Variants in SDK1 observed in about 807,000 individuals in gnomAD.
The protein encoded by SDK1 is sidekick cell adhesion molecule 1, also known as protein sidekick-1.
Under a neutral mutation model 245.5 loss-of-function variants are expected in SDK1, and 157 were observed. That is an observed-to-expected ratio of 0.64 (90% CI 0.56 to 0.73). The LOEUF is 0.73. SDK1 is among the 30% of genes least tolerant of loss of function. The pLI, the probability that SDK1 is intolerant of heterozygous loss-of-function variation, is 0.00. For synonymous variants in SDK1, 1,647 were observed against 1,278.5 expected (o/e 1.29, Z -6.15); for missense variants, 3,583 against 3,002.3 (o/e 1.19, Z -4.52).
At chr7:4,138,210 C>T (rs1048980856) in intron 28 of SDK1, among the ~76,000 whole-genome samples, 6 of 152,172 alleles carry the variant, frequency 3.9e-5, no homozygotes, top group African/African-American at 1.4e-4. Context: ...CATTGTCTCA[C>T]TGGGGCTTTG....
At chr7:3,554,685 C>T (rs1396944949) in intron 1 of SDK1, among the ~76,000 whole-genome samples, 2 of 152,182 alleles carry the variant, frequency 1.3e-5, no homozygotes, top group African/African-American at 4.8e-5. Context: ...CTTCAATCAC[C>T]TAGGCCACCT....
intron 4 of SDK1, among the ~76,000 whole-genome samples, chr7:3,747,521 G>A (rs1398777780): frequency 2.0e-5 from 3 of 152,118 alleles, no homozygotes; most frequent in African/African-American, 2.4e-5. Context: ...AAATGCTGTC[G>A]TGGGCCTTGT....
At position 4,220,212 on chromosome 7, in the gene SDK1, G is replaced by A. The variant is rs199608570; in HGVS notation, c.5643G>A (p.Ala1881=). 63 of 1,614,036 alleles carry A rather than the reference G, an allele frequency of 3.9e-5. No individual in the cohort carries two copies. Among genetic ancestry groups the A allele is most frequent in the Middle Eastern group, 1.7e-4 (1 of 6,060 alleles). ...KGVTYFFRVQ[A]RTITYGPELQ... ...TGACCTATTTCTTCCGTGTCCAAGC[G>A]CGGACCATCACCTACGGGCCCGAGC... The change falls in exon 39 of 45, where the codon GCG becomes GCA. Residue 1881 remains alanine, a synonymous_variant. Transcript: ENST00000404826.
Position 4,105,274 on chromosome 7 carries a change from C to T in SDK1, c.3325-5389C>T, listed in dbSNP as rs190493091. Among the ~76,000 whole-genome samples, 259 of 152,088 alleles carry T rather than the reference C, an allele frequency of 1.7e-3. 2 individuals carry two copies. The highest frequency in any genetic ancestry group is 5.6e-3 in the South Asian group (27 of 4,826). ...CTGGGATTACAGGTGTGAGCCACCGCGCCTGGCCAGGAGTTATATTTTTTG... is the reference window on the plus strand; with the variant it reads ...CTGGGATTACAGGTGTGAGCCACCGTGCCTGGCCAGGAGTTATATTTTTTG... On this transcript the variant is annotated intron_variant, in intron 22 of 44. Transcript: ENST00000404826.
intron 40 of SDK1, 195 bp from the exon 41 acceptor site, chr7:4,233,060 C>G (rs995984425): frequency 1.8e-6 from 1 of 561,120 alleles, no homozygotes. Flanking sequence ...ACAATCATCA[C>G]ACCATTCATC....
At position 3,854,954 on chromosome 7, in the gene SDK1, G is replaced by C. The variant is rs919155458; in HGVS notation, c.847+33371G>C. Among the ~76,000 whole-genome samples the C allele has an allele frequency of 5.3e-5, 8 of 152,176 alleles. No homozygotes were observed. In the South Asian group the frequency reaches 1.0e-3, roughly 20 times the overall value. ...CAGGGTGGACCCAGGTGCACATGCA[G>C]GGTGGCTCAGTGAACTCTAACTGCT... On this transcript the variant is annotated intron_variant, in intron 5 of 44. Coordinates refer to ENST00000404826, the MANE Select transcript of SDK1 (RefSeq NM_152744.4).
chr7:3,871,662 G>T (rs1301484698), intron 5 of SDK1, among the ~76,000 whole-genome samples: 2 of 152,200 alleles, frequency 1.3e-5, no homozygotes, highest in African/African-American at 4.8e-5. Flanking sequence ...GCAGAAGCAA[G>T]TAGCGGGGAG....
intron 6 of SDK1, 64 bp downstream of exon 6, chr7:3,951,098 TAGA>T: frequency 8.3e-7 from 1 of 1,209,532 alleles, no homozygotes. Flanking sequence ...GAGCCGACGA[TAGA>T]AGGATACACT....
At chr7:4,144,989 T>A (rs1779861372) in intron 28 of SDK1, among the ~76,000 whole-genome samples, 2 of 152,176 alleles carry the variant, frequency 1.3e-5, no homozygotes, top group Non-Finnish European at 2.9e-5. Flanking sequence ...TTCCTCCAGA[T>A]GCCAGCGGGG....
chr7:3,445,305 G>T (rs1156670525), intron 1 of SDK1, among the ~76,000 whole-genome samples: 2 of 152,024 alleles, frequency 1.3e-5, no homozygotes, highest in African/African-American at 2.4e-5. Flanking sequence ...AGACAAAAAT[G>T]GGCTCAATAA....
intron 7 of SDK1, among the ~76,000 whole-genome samples, chr7:3,953,052 G>A (rs916551391): frequency 1.3e-5 from 2 of 151,738 alleles, no homozygotes; most frequent in Middle Eastern, 3.4e-3. Context: ...GGAGAATCTC[G>A]ACTTCCTCTC....
intron 1 of SDK1, among the ~76,000 whole-genome samples, chr7:3,425,572 GA>G (rs2128582261): frequency 6.6e-6 from 1 of 152,262 alleles, no homozygotes; most frequent in African/African-American, 2.4e-5. Flanking sequence ...AGTCAGAATG[GA>G]AAACAAATTT....
intron 14 of SDK1, among the ~76,000 whole-genome samples, chr7:3,999,430 C>T (rs1784913857): frequency 6.6e-6 from 1 of 152,182 alleles, no homozygotes; most frequent in Non-Finnish European, 1.5e-5. Flanking sequence ...TGATCGCTTG[C>T]CAGGAAAGTG....
chr7:4,206,016 G>A, intron 36 of SDK1, 22 bp downstream of exon 36: 1 of 1,468,434 alleles, frequency 6.8e-7, no homozygotes, highest in Non-Finnish European at 9.2e-7. Context: ...CCGTGCGGTT[G>A]CCTCCCCTGG....
chr7:4,139,587 G>GTT (rs1779380665), intron 28 of SDK1, among the ~76,000 whole-genome samples: 1 of 80,976 alleles, frequency 1.2e-5, no homozygotes, highest in Non-Finnish European at 2.8e-5. Context: ...GTGTGTATGT[G>GTT]TGTGTATATG....
At chr7:3,881,980 A>C (rs930097694) in intron 5 of SDK1, among the ~76,000 whole-genome samples, 1 of 152,124 alleles carries the variant, frequency 6.6e-6, no homozygotes, top group Non-Finnish European at 1.5e-5. Flanking sequence ...GGTAATTTAT[A>C]AAGAAAAAGA....
Position 4,268,834 on chromosome 7 carries a change from A to G in SDK1, c.*3450A>G, listed in dbSNP as rs116582998. 2,044 of 1,051,476 alleles carry G rather than the reference A, an allele frequency of 1.9e-3. 28 individuals are homozygous for G. In the African/African-American group the frequency reaches 0.03, roughly 15 times the overall value. 65.1% of individuals were successfully genotyped at this position (1,051,476 alleles called of 1,614,324 possible). On this transcript the variant is annotated 3_prime_UTR_variant, in exon 45 of 45. Transcript: ENST00000404826. Reference sequence around the variant, plus strand: ...CTGGGACACGTCTCCTTCCCGCGTCACCTTCTGGTTTAGGGAGCCGTCAGG... The same window carrying G: ...CTGGGACACGTCTCCTTCCCGCGTCGCCTTCTGGTTTAGGGAGCCGTCAGG...
At chr7:4,042,818 A>G (rs964742146) in intron 17 of SDK1, among the ~76,000 whole-genome samples, 6 of 152,208 alleles carry the variant, frequency 3.9e-5, no homozygotes, top group Non-Finnish European at 8.8e-5. Flanking sequence ...TTTATTTTCA[A>G]CACTGTCAAG....
At chr7:4,253,546 C>G (rs1367130501) in intron 44 of SDK1, among the ~76,000 whole-genome samples, 1 of 152,114 alleles carries the variant, frequency 6.6e-6, no homozygotes, top group South Asian at 2.1e-4. Flanking sequence ...TATTTTAAGG[C>G]CTGGCCTATG....
Sources: allele counts gnomAD v4.1 joint callset (sites outside exome capture counted in the v4.1 genomes callset), GRCh38; gene constraint gnomAD v4.1.1; transcripts MANE v1.5; gene names NCBI Gene and HGNC (gene_info 2026-07-23, HGNC 2026-07-21).